The following SLC12A8 variants were observed in gnomAD, a reference collection of about 807,000 sequenced individuals.
SLC12A8 encodes cation-chloride cotransporter 9.
In SLC12A8, 69 loss-of-function variants were observed where a neutral mutation model predicts 75.6. That is an observed-to-expected ratio of 0.91 (90% confidence interval 0.75 to 1.11). The LOEUF (loss-of-function observed/expected upper bound fraction) is 1.11, where lower values mean the gene tolerates loss of function less well. Ranked by LOEUF, SLC12A8 falls within the 50% of genes most tolerant of loss-of-function variation. SLC12A8 has a pLI of 0.00. For missense variants in SLC12A8, 877 were observed against 896.7 expected (o/e 0.98, Z 0.28); for synonymous variants, 365 against 372.8 (o/e 0.98, Z 0.24).
chr3:125,102,268 G>A (rs1218590835), intron 10 of SLC12A8, among the ~76,000 whole-genome samples: 1 of 152,146 alleles, frequency 6.6e-6, no homozygotes. Context: ...AGGCAGAACA[G>A]GGTGTATGAA....
intron 5 of SLC12A8, among the ~76,000 whole-genome samples, chr3:125,161,723 C>T (rs1934179252): frequency 6.6e-6 from 1 of 151,910 alleles, no homozygotes; most frequent in African/African-American, 2.4e-5. Flanking sequence ...GCTGTTGTAT[C>T]AGAGGCTGCA....
At chr3:125,182,046 C>T (rs1017264721) in intron 4 of SLC12A8, among the ~76,000 whole-genome samples, 1 of 152,152 alleles carries the variant, frequency 6.6e-6, no homozygotes, top group East Asian at 1.9e-4. Flanking sequence ...GGCTGGGTGC[C>T]GGGTGCAGTG....
intron 10 of SLC12A8, among the ~76,000 whole-genome samples, chr3:125,106,405 C>T (rs954319184): frequency 1.3e-5 from 2 of 151,804 alleles, no homozygotes. Context: ...CTCTGTCACC[C>T]AGGCTGGAGT....
Position 125,135,701 on chromosome 3 carries a change from G to A in SLC12A8, c.704C>T (p.Thr235Ile). The A allele has an allele frequency of 6.2e-7, 1 of 1,609,296 alleles. No individual in the cohort carries two copies. Among genetic ancestry groups the A allele is most frequent in the Non-Finnish European group, 8.5e-7 (1 of 1,177,054 alleles). ...CGCTGGGAAGAAAACCCCAAAGACA[G>A]TGAAAAAAGATTCCCCCGGGCTGTA... is the stretch of plus-strand genomic sequence containing the variant. ...PDYSPGESFFTVFGVFFPAAT... is the reference protein window; with the variant it reads ...PDYSPGESFFIVFGVFFPAAT... Residue 235 changes from threonine to isoleucine, a missense_variant, in exon 6 of 14, where the codon ACT becomes ATT. Transcript: ENST00000469902.
At chr3:125,130,193 C>T (rs1560061542) in intron 6 of SLC12A8, among the ~76,000 whole-genome samples, 2 of 152,154 alleles carry the variant, frequency 1.3e-5, no homozygotes, top group Admixed American at 1.3e-4. Context: ...CTTGACTCAT[C>T]GTCTTAGGTA....
intron 2 of SLC12A8, among the ~76,000 whole-genome samples, chr3:125,203,964 C>G (rs1044087200): frequency 2.0e-5 from 3 of 152,098 alleles, no homozygotes; most frequent in African/African-American, 7.2e-5. Flanking sequence ...ACACAGATGG[C>G]CAACAGGCAC....
At position 125,135,670 on chromosome 3, in the gene SLC12A8, T is replaced by G; in HGVS notation, c.735A>C (p.Thr245=). The G allele has an allele frequency of 6.3e-7, 1 of 1,592,280 alleles. No individual in the cohort carries two copies. Among genetic ancestry groups the G allele is most frequent in the Non-Finnish European group, 8.6e-7 (1 of 1,167,852 alleles). ...TVFGVFFPAA[T]GVMAGFNMGG... is the part of the protein sequence containing the mutation. The stretch of plus-strand genomic sequence containing the variant: ...AAAAAAGAACCCAGATTACAATACC[T>G]GTAGCCGCTGGGAAGAAAACCCCAA... Residue 245 remains threonine, a splice_region_variant and synonymous_variant, in exon 6 of 14, where the codon ACA becomes ACC. Coordinates refer to ENST00000469902, the MANE Select transcript of SLC12A8 (RefSeq NM_024628.6).
chr3:125,121,948 T>C (rs1240199375), intron 6 of SLC12A8, among the ~76,000 whole-genome samples: 1 of 152,206 alleles, frequency 6.6e-6, no homozygotes, highest in Non-Finnish European at 1.5e-5. Context: ...TAGTCAAGGC[T>C]ATGAGGGAAG....
chr3:125,179,947 G>C (rs1934618368), intron 4 of SLC12A8, among the ~76,000 whole-genome samples: 1 of 152,070 alleles, frequency 6.6e-6, no homozygotes, highest in African/African-American at 2.4e-5. Context: ...ATTTATATGG[G>C]CACCACTTTC....
intron 12 of SLC12A8, among the ~76,000 whole-genome samples, chr3:125,089,154 G>A (rs1321490662): frequency 6.6e-6 from 1 of 152,124 alleles, no homozygotes; most frequent in Non-Finnish European, 1.5e-5. Context: ...ATTATTTTAA[G>A]AGGCTTATGT....
At chr3:125,131,496 T>C (rs1471590120) in intron 6 of SLC12A8, among the ~76,000 whole-genome samples, 2 of 151,420 alleles carry the variant, frequency 1.3e-5, no homozygotes, top group Non-Finnish European at 2.9e-5. Context: ...AAGTGATTTT[T>C]CTGCCTCAGC....
chr3:125,141,879 C>T (rs1933648916), intron 5 of SLC12A8, among the ~76,000 whole-genome samples: 1 of 151,884 alleles, frequency 6.6e-6, no homozygotes. Context: ...GAGGGTGGGG[C>T]TCGGAGGGCG....
At chr3:125,145,971 G>A (rs1933761342) in intron 5 of SLC12A8, among the ~76,000 whole-genome samples, 1 of 152,166 alleles carries the variant, frequency 6.6e-6, no homozygotes, top group Non-Finnish European at 1.5e-5. Flanking sequence ...TGAGACAACA[G>A]GCTGGCGCCA....
At chr3:125,187,068 G>A (rs546333335) in intron 4 of SLC12A8, among the ~76,000 whole-genome samples, 169 bp downstream of exon 4, 1 of 152,338 alleles carries the variant, frequency 6.6e-6, no homozygotes, top group African/African-American at 2.4e-5. Context: ...GTCAGGCCCT[G>A]GATAGTGACT....
intron 2 of SLC12A8, among the ~76,000 whole-genome samples, chr3:125,191,217 G>C (rs1934903077): frequency 6.6e-6 from 1 of 152,104 alleles, no homozygotes; most frequent in Non-Finnish European, 1.5e-5. Flanking sequence ...ACAATTGTTT[G>C]GAATCAGAGG....
intron 9 of SLC12A8, among the ~76,000 whole-genome samples, chr3:125,109,266 C>T (rs557011759): frequency 9.2e-5 from 14 of 152,276 alleles, no homozygotes; most frequent in South Asian, 2.1e-4. Context: ...ACTAGGCTCA[C>T]GGCTTTGAAT....
At chr3:125,156,417 C>T (rs925547524) in intron 5 of SLC12A8, among the ~76,000 whole-genome samples, 6 of 152,048 alleles carry the variant, frequency 3.9e-5, no homozygotes, top group Admixed American at 6.6e-5. Flanking sequence ...TAGCCAGTGG[C>T]GCGAGAAAAG....
At chr3:125,172,908 G>C (rs909422841) in intron 5 of SLC12A8, among the ~76,000 whole-genome samples, 1 of 152,242 alleles carries the variant, frequency 6.6e-6, no homozygotes, top group Non-Finnish European at 1.5e-5. Flanking sequence ...GTCAGGCGCA[G>C]TGGCTCACAC....
intron 10 of SLC12A8, among the ~76,000 whole-genome samples, chr3:125,106,341 A>G (rs1939021107): frequency 6.8e-6 from 1 of 146,032 alleles, no homozygotes; most frequent in South Asian, 2.1e-4. Flanking sequence ...TTAAAACACT[A>G]GGTTTTTGGG....
Sources: gnomAD v4.1 joint callset for allele counts (sites outside exome capture counted in the v4.1 genomes callset) on GRCh38, gnomAD v4.1.1 for gene constraint, MANE v1.5 for transcripts, NCBI Gene and HGNC (gene_info 2026-07-23, HGNC 2026-07-21) for gene names.